The following VCAN variants were observed in gnomAD, a reference collection of about 807,000 sequenced individuals.
VCAN encodes versican core protein.
A neutral mutation model predicts 245.5 loss-of-function variants in VCAN; 44 were observed. The ratio of observed to expected loss-of-function variants is 0.18; its 90% CI spans 0.14 to 0.23. The LOEUF (loss-of-function observed/expected upper bound fraction) is 0.23. VCAN is among the 10% of genes least tolerant of loss of function. The pLI is 1.00. For missense variants in VCAN, 3,793 were observed against 4,057.9 expected, an observed-to-expected ratio of 0.93 and a Z score of 1.77; for synonymous variants, 1,413 against 1,437.0, an observed-to-expected ratio of 0.98 and a Z score of 0.38.
rs543362358 is a variant in VCAN, at chr5:83,520,402, A to T, written c.2096A>T (p.Tyr699Phe). The T allele has an allele frequency of 1.2e-6, 2 of 1,613,510 alleles. No homozygotes were observed. Among genetic ancestry groups the T allele is most frequent in the Admixed American group, 1.7e-5 (1 of 59,930 alleles). The change falls in exon 7 of 15, where the codon TAT becomes TTT. Residue 699 changes from tyrosine (Y) to phenylalanine (F), a missense_variant. By Grantham distance (22) the Tyr-to-Phe change is conservative. This residue lies in a region of VCAN where 3,182 missense variants were observed against 3,250.3 expected (regional missense o/e 0.98). Transcript: ENST00000265077. The stretch of plus-strand genomic sequence containing the variant: ...ATACCAGAGATGAGAACAGATACTT[A>T]TACAGATGAAATACAAGAAGAGATC... ...TLIPEMRTDT[Y>F]TDEIQEEITK...
At chr5:83,504,206 G>A (rs1745414327) in intron 5 of VCAN, among the ~76,000 whole-genome samples, 1 of 152,150 alleles carries the variant, frequency 6.6e-6, no homozygotes. Context: ...GAAAGTTGAA[G>A]TAACAGGAAT....
At chr5:83,505,084 G>A (rs983193929) in intron 5 of VCAN, among the ~76,000 whole-genome samples, 5 of 152,036 alleles carry the variant, frequency 3.3e-5, no homozygotes, top group Non-Finnish European at 5.9e-5. Context: ...GGAATTCTGC[G>A]AGATACAGTT....
chr5:83,519,925 C>T lies in VCAN; in HGVS notation c.1619C>T (p.Ser540Phe), dbSNP rs1235035359. Residue 540 changes from serine (S) to phenylalanine (F), a missense_variant, in exon 7 of 15, where the codon TCT (serine) becomes TTT (phenylalanine). Transcript: ENST00000265077. Reference sequence around the variant, plus strand: ...GAAAAGAAAATGGTAAGCACTGTTTCTGAATTGGTAACCACAGGTCACTAT... The same window carrying T: ...GAAAAGAAAATGGTAAGCACTGTTTTTGAATTGGTAACCACAGGTCACTAT... ...KTEKKMVSTV[S>F]ELVTTGHYGF... The T allele has an allele frequency of 6.2e-6, 10 of 1,614,092 alleles. No homozygotes were observed. The highest frequency in any genetic ancestry group is 8.5e-6 in the Non-Finnish European group (10 of 1,179,970).
chr5:83,544,560 G>A (rs1271945792), intron 8 of VCAN, among the ~76,000 whole-genome samples: 1 of 151,966 alleles, frequency 6.6e-6, no homozygotes, highest in Non-Finnish European at 1.5e-5. Context: ...TGAAAGTATG[G>A]GTGTATTCCA....
At chr5:83,508,714 C>T (rs373900392) in intron 5 of VCAN, among the ~76,000 whole-genome samples, 15 of 152,252 alleles carry the variant, frequency 9.9e-5, no homozygotes, top group African/African-American at 3.6e-4. Context: ...TTCTTTTAAT[C>T]CTCACCTTAA....
chr5:83,539,745 G>A lies in VCAN; in HGVS notation c.6742G>A (p.Asp2248Asn). 1 of 1,613,926 alleles carries A rather than the reference G, an allele frequency of 6.2e-7. No homozygotes were observed. The highest frequency in any genetic ancestry group is 8.5e-7 in the Non-Finnish European group (1 of 1,179,990). The change falls in exon 8 of 15, where the codon GAT becomes AAT. Residue 2248 changes from aspartate to asparagine, a missense_variant. Around this residue, in one of 5 missense-constraint regions of VCAN, gnomAD observed 3,182 missense variants for 3,250.3 expected, o/e 0.98. Coordinates refer to ENST00000265077, the MANE Select transcript of VCAN (RefSeq NM_004385.5). ...CATGAGACCAACAATTCAAGAGTCA[G>A]ATACTGAGCTCTTATTCTCTGGACT... ...KGMRPTIQESDTELLFSGLGS... is the reference protein window; with the variant it reads ...KGMRPTIQESNTELLFSGLGS...
intron 1 of VCAN, among the ~76,000 whole-genome samples, chr5:83,479,097 C>T (rs924693320): frequency 1.3e-5 from 2 of 152,116 alleles, no homozygotes; most frequent in Non-Finnish European, 2.9e-5. Flanking sequence ...ACCTAAATCA[C>T]GTGATTTCTC....
Position 83,540,379 on chromosome 5 carries a change from T to A in VCAN, c.7376T>A (p.Phe2459Tyr). 6.2e-7 allele frequency: 1 copy of A among 1,613,980 alleles called. No individual in the cohort carries two copies. Among genetic ancestry groups the A allele is most frequent in the Non-Finnish European group, 8.5e-7 (1 of 1,179,944 alleles). The change falls in exon 8 of 15, where the codon TTT becomes TAT. Residue 2459 changes from phenylalanine (F) to tyrosine (Y), a missense_variant. Transcript: ENST00000265077. ...ACCAGACAAGAAAGCAGCACCACAT[T>A]TGTTTCTGATGGGTCCCTGGAAAAA... ...QATRQESSTTFVSDGSLEKHP... is the reference protein window; with the variant it reads ...QATRQESSTTYVSDGSLEKHP...
At chr5:83,508,136 C>T (rs1016064608) in intron 5 of VCAN, among the ~76,000 whole-genome samples, 2 of 152,140 alleles carry the variant, frequency 1.3e-5, no homozygotes, top group African/African-American at 4.8e-5. Context: ...CACTTGCAGC[C>T]TTTGACATAA....
At chr5:83,546,832 A>C (rs1401570450) in intron 9 of VCAN, among the ~76,000 whole-genome samples, 1 of 152,210 alleles carries the variant, frequency 6.6e-6, no homozygotes, top group African/African-American at 2.4e-5. Flanking sequence ...TATATGACTA[A>C]GAAATTTAAC....
chr5:83,535,337 C>T (rs1222987363), intron 7 of VCAN, among the ~76,000 whole-genome samples: 1 of 151,906 alleles, frequency 6.6e-6, no homozygotes, highest in Non-Finnish European at 1.5e-5. Flanking sequence ...TAACCCAGTC[C>T]TACACAGAAG....
rs969739770 is a variant in VCAN, at chr5:83,541,477, C to T, written c.8474C>T (p.Pro2825Leu). ...TTTGCGAAGTTGTCTTCTCAGACAC[C>T]ATCATCTCCCCTCACTATCTACTCA... ...STFAKLSSQT[P>L]SSPLTIYSGS... The change falls in exon 8 of 15, where the codon CCA becomes CTA. Residue 2825 changes from proline to leucine, a missense_variant. Around this residue, in one of 5 missense-constraint regions of VCAN, gnomAD observed 3,182 missense variants for 3,250.3 expected, o/e 0.98. Coordinates refer to ENST00000265077, the MANE Select transcript of VCAN (RefSeq NM_004385.5). 6.8e-6 allele frequency: 11 copies of T among 1,613,942 alleles called. No individual in the cohort carries two copies. The highest frequency in any genetic ancestry group is 8.5e-6 in the Non-Finnish European group (10 of 1,180,012).
chr5:83,490,268 A>T lies in VCAN; in HGVS notation c.241A>T (p.Thr81Ser). Reference sequence around the variant, plus strand: ...CAAAAATGGAAAAGATTTGAAAGAGACTACTGTCCTTGTGGCCCAAAATGG... The same window carrying T: ...CAAAAATGGAAAAGATTTGAAAGAGTCTACTGTCCTTGTGGCCCAAAATGG... ...VDKNGKDLKE[T>S]TVLVAQNGNI... Residue 81 changes from threonine to serine, a missense_variant, in exon 3 of 15, where the codon ACT (threonine) becomes TCT (serine). By Grantham distance (58) the Thr-to-Ser change is moderately conservative. Coordinates refer to ENST00000265077, the MANE Select transcript of VCAN (RefSeq NM_004385.5). 1 of 1,614,162 alleles carries T rather than the reference A, an allele frequency of 6.2e-7. No individual in the cohort carries two copies. Among genetic ancestry groups the T allele is most frequent in the Non-Finnish European group, 8.5e-7 (1 of 1,180,038 alleles).
At chr5:83,557,384 G>A (rs190517218) in intron 12 of VCAN, among the ~76,000 whole-genome samples, 5 of 152,180 alleles carry the variant, frequency 3.3e-5, no homozygotes, top group Non-Finnish European at 7.4e-5. Flanking sequence ...TTCTCGTGGT[G>A]TCTGAAATAA....
chr5:83,541,161 T>C lies in VCAN; in HGVS notation c.8158T>C (p.Phe2720Leu). 6.2e-7 allele frequency: 1 copy of C among 1,614,046 alleles called. No individual in the cohort carries two copies. Among genetic ancestry groups the C allele is most frequent in the Non-Finnish European group, 8.5e-7 (1 of 1,180,006 alleles). The change falls in exon 8 of 15, where the codon TTT becomes CTT. Residue 2720 changes from phenylalanine to leucine, a missense_variant. By Grantham distance (22) the Phe-to-Leu change is conservative. This residue lies in a region of VCAN where 3,182 missense variants were observed against 3,250.3 expected (regional missense o/e 0.98). Transcript: ENST00000265077. ...KAEAKALDDM[F>L]ESSTLSDGQA... is the part of the protein sequence containing the mutation. ...TGAAGCAAAAGCCCTGGATGACATG[T>C]TTGAATCAAGCACTTTGTCTGATGG...
intron 6 of VCAN, among the ~76,000 whole-genome samples, chr5:83,515,943 T>C (rs1443953042): frequency 6.6e-6 from 1 of 152,154 alleles, no homozygotes; most frequent in East Asian, 1.9e-4. Context: ...AAAAAGATAG[T>C]TTGAATTGGC....
At position 83,574,952 on chromosome 5, in the gene VCAN, T is replaced by C. The variant is rs1748419810; in HGVS notation, c.9880+2392T>C. The stretch of plus-strand genomic sequence containing the variant: ...TGTACAGACTTTTTCCCTAAACAAA[T>C]AGAAATTCTGTAAAATATTTTAACC... On this transcript the variant is annotated intron_variant, in intron 13 of 14. Coordinates refer to ENST00000265077, the MANE Select transcript of VCAN (RefSeq NM_004385.5). Among the ~76,000 whole-genome samples, 3 of 152,186 alleles carry C rather than the reference T, an allele frequency of 2.0e-5. No homozygotes were observed. The South Asian group carries it at 6.2e-4, about 31-fold the overall frequency.
rs1184695830 is a variant in VCAN, at chr5:83,521,834, G to A, written c.3528G>A (p.Glu1176=). 1 of 1,614,136 alleles carries A rather than the reference G, an allele frequency of 6.2e-7. No individual in the cohort carries two copies. Among genetic ancestry groups the A allele is most frequent in the Non-Finnish European group, 8.5e-7 (1 of 1,180,010 alleles). ...EETTTEKTSL[E]DIDLGSGLFE... Reference sequence around the variant, plus strand: ...CCACTACTGAGAAAACATCCCTAGAGGATATTGATTTAGGCTCAGGATTAT... The same window carrying A: ...CCACTACTGAGAAAACATCCCTAGAAGATATTGATTTAGGCTCAGGATTAT... The change falls in exon 7 of 15, where the codon GAG becomes GAA. Residue 1176 remains glutamate (E), a synonymous_variant. Transcript: ENST00000265077.
Position 83,538,008 on chromosome 5 carries a change from A to G in VCAN, c.5005A>G (p.Ile1669Val), listed in dbSNP as rs749357523. 1 of 1,613,964 alleles carries G rather than the reference A, an allele frequency of 6.2e-7. No homozygotes were observed. The highest frequency in any genetic ancestry group is 8.5e-7 in the Non-Finnish European group (1 of 1,179,958). The change falls in exon 8 of 15, where the codon ATT becomes GTT. Residue 1669 changes from isoleucine to valine, a missense_variant. By Grantham distance (29) the Ile-to-Val change is conservative. This residue lies in a region of VCAN where 3,182 missense variants were observed against 3,250.3 expected (regional missense o/e 0.98). Coordinates refer to ENST00000265077, the MANE Select transcript of VCAN (RefSeq NM_004385.5). ...ACAGAGAAATACTACTGATACACTC[A>G]TTACTTTAGACACTAGCAGGATAAT... is the stretch of plus-strand genomic sequence containing the variant. Reference protein sequence around the residue: ...LSQRNTTDTLITLDTSRIITE... With the variant: ...LSQRNTTDTLVTLDTSRIITE...
Sources: allele counts gnomAD v4.1 joint callset (sites outside exome capture counted in the v4.1 genomes callset), GRCh38; gene constraint gnomAD v4.1.1; regional missense constraint gnomAD v4.1.1; transcripts MANE v1.5; gene names NCBI Gene and HGNC (gene_info 2026-07-23, HGNC 2026-07-21).